PTPRC: variants seen among roughly 807,000 people sequenced by gnomAD.
The protein encoded by PTPRC is receptor-type tyrosine-protein phosphatase C.
A neutral mutation model predicts 155.9 loss-of-function variants in PTPRC; 44 were observed. That is an observed-to-expected ratio of 0.28 (90% CI 0.22 to 0.36). The LOEUF is 0.36. PTPRC is among the 10% of genes least tolerant of loss of function. The pLI is 1.00. For synonymous variants in PTPRC, 525 were observed against 533.1 expected (o/e 0.98, Z 0.21); for missense variants, 1,401 against 1,564.6 (o/e 0.90, Z 1.76).
At chr1:198,641,584 A>G (rs1303646021) in intron 2 of PTPRC, among the ~76,000 whole-genome samples, 2 of 151,996 alleles carry the variant, frequency 1.3e-5, no homozygotes, top group African/African-American at 2.4e-5. Flanking sequence ...TTTACTCAAG[A>G]CTTCCTAATC....
intron 29 of PTPRC, 102 bp downstream of exon 29, chr1:198,750,728 T>C (rs1655344332): frequency 2.8e-6 from 4 of 1,416,076 alleles, no homozygotes; most frequent in Admixed American, 1.7e-5. Context: ...TCTTTTTTTA[T>C]CCCTCCATCA....
chr1:198,662,283 A>G (rs1014634066), intron 2 of PTPRC, among the ~76,000 whole-genome samples: 1 of 152,142 alleles, frequency 6.6e-6, no homozygotes, highest in African/African-American at 2.4e-5. Context: ...ACAACTTTAT[A>G]ATGTATATGT....
At chr1:198,718,452 A>G (rs1653711702) in intron 14 of PTPRC, 150 bp downstream of exon 14, 3 of 743,926 alleles carry the variant, frequency 4.0e-6, no homozygotes, top group Admixed American at 5.3e-5. Context: ...CAAATATTTG[A>G]CTCTAAAATT....
At chr1:198,744,284 C>A in intron 26 of PTPRC, 81 bp downstream of exon 26, 2 of 1,352,328 alleles carry the variant, frequency 1.5e-6, no homozygotes, top group Non-Finnish European at 1.0e-6. Context: ...TTGCTATGCA[C>A]TTGACATAGT....
rs761347555 is a variant in PTPRC, at chr1:198,752,388, G to T, written c.3330+17G>T. 8 of 1,612,016 alleles carry T rather than the reference G, an allele frequency of 5.0e-6. No individual in the cohort carries two copies. The South Asian group carries it at 8.8e-5, about 18-fold the overall frequency. Reference sequence around the variant, plus strand: ...CATTCCAAGGTATGGAAACAATTTGGGGAGTATATTTCTTTGATATAATGG... The same window carrying T: ...CATTCCAAGGTATGGAAACAATTTGTGGAGTATATTTCTTTGATATAATGG... On this transcript the variant is annotated intron_variant, in intron 30 of 32. Transcript: ENST00000442510.
chr1:198,704,581 A>G lies in PTPRC; in HGVS notation c.685+83A>G. On this transcript the variant is annotated intron_variant, in intron 8 of 32. Transcript: ENST00000442510. ...TCTTTCTTTATTCCAAGCTTTCAGG[A>G]CCCACTAGTAAGCTAAACTCACTGG... is the stretch of plus-strand genomic sequence containing the variant. The G allele has an allele frequency of 2.5e-6, 4 of 1,610,942 alleles. 1 individual carries two copies. In the South Asian group the frequency reaches 3.3e-5, roughly 13 times the overall value.
intron 2 of PTPRC, among the ~76,000 whole-genome samples, chr1:198,651,874 G>A (rs868063872): frequency 3.3e-5 from 5 of 151,666 alleles, no homozygotes; most frequent in African/African-American, 9.7e-5. Context: ...TGAGTGTCTC[G>A]TGTGCCTGGC....
chr1:198,702,560 C>T (rs1558008234), intron 6 of PTPRC, 30 bp downstream of exon 6: 1 of 1,613,148 alleles, frequency 6.2e-7, no homozygotes, highest in Non-Finnish European at 8.5e-7. Context: ...GTAGTGTCTT[C>T]AGTTATAGAT....
At position 198,748,165 on chromosome 1, in the gene PTPRC, T is replaced by C. The variant is rs1380491295; in HGVS notation, c.2904T>C (p.Asn968=). 1.9e-6 allele frequency: 3 copies of C among 1,595,888 alleles called. No individual in the cohort carries two copies. The highest frequency in any genetic ancestry group is 1.7e-5 in the Admixed American group (1 of 58,390). Residue 968 remains asparagine, a synonymous_variant, in exon 27 of 33, where the codon AAT becomes AAC. Transcript: ENST00000442510. ...RTQHIGNQEE[N]KSKNRNSNVI... Reference sequence around the variant, plus strand: ...AGCACATTGGAAATCAAGAAGAAAATAAAAGTAAAAACAGGAATTCTAATG... The same window carrying C: ...AGCACATTGGAAATCAAGAAGAAAACAAAAGTAAAAACAGGAATTCTAATG...
intron 4 of PTPRC, among the ~76,000 whole-genome samples, chr1:198,698,440 T>C (rs1320156354): frequency 6.6e-6 from 1 of 152,164 alleles, no homozygotes; most frequent in African/African-American, 2.4e-5. Context: ...TATGAGTTAT[T>C]TAATTTATGA....
rs1358166170 is a variant in PTPRC at position 198,702,493 on chromosome 1, A to G, written c.546A>G (p.Ala182=). The G allele has an allele frequency of 6.2e-7, 1 of 1,614,190 alleles. No individual in the cohort carries two copies. Among genetic ancestry groups the G allele is most frequent in the Non-Finnish European group, 8.5e-7 (1 of 1,180,034 alleles). ...LAHHSSAALP[A]RTSNTTITAN... ...ACCACAGCTCTGCTGCCTTACCTGC[A>G]CGCACCTCCAACACCACCATCACAG... is the stretch of plus-strand genomic sequence containing the variant. The change falls in exon 6 of 33, where the codon GCA becomes GCG. Residue 182 remains alanine, a synonymous_variant. Coordinates refer to ENST00000442510, the MANE Select transcript of PTPRC (RefSeq NM_002838.5).
intron 6 of PTPRC, 91 bp downstream of exon 6, chr1:198,702,621 A>C: frequency 1.9e-5 from 29 of 1,534,056 alleles, no homozygotes; most frequent in Non-Finnish European, 2.4e-5. Flanking sequence ...TTTGTGCCAG[A>C]TATTATTTGT....
At chr1:198,681,595 A>T (rs1288212995) in intron 2 of PTPRC, among the ~76,000 whole-genome samples, 4 of 152,194 alleles carry the variant, frequency 2.6e-5, no homozygotes, top group Non-Finnish European at 5.9e-5. Context: ...TTACAAATAA[A>T]CATTTTGTCT....
chr1:198,737,130 T>A (rs1013908118), intron 23 of PTPRC, among the ~76,000 whole-genome samples: 1 of 151,776 alleles, frequency 6.6e-6, no homozygotes, highest in African/African-American at 2.4e-5. Context: ...TTTTCCCTCA[T>A]TCTGTGGCTT....
chr1:198,749,292 T>C, intron 27 of PTPRC, 124 bp from the exon 28 acceptor site: 1 of 932,778 alleles, frequency 1.1e-6, no homozygotes, highest in Non-Finnish European at 1.7e-6. Context: ...TCTTATTTCA[T>C]GTAGATCAGT....
intron 2 of PTPRC, among the ~76,000 whole-genome samples, chr1:198,674,403 ATTTACAAT>A (rs1321339384): frequency 2.0e-5 from 3 of 151,840 alleles, no homozygotes; most frequent in Admixed American, 6.6e-5. Flanking sequence ...AATTGTGAAA[ATTTACAAT>A]TTTACAATTT....
chr1:198,674,613 A>C (rs956372632), intron 2 of PTPRC, among the ~76,000 whole-genome samples: 1 of 150,604 alleles, frequency 6.6e-6, no homozygotes, highest in African/African-American at 2.4e-5. Flanking sequence ...AACATTTATA[A>C]GATGTGGTAT....
At chr1:198,655,313 A>G (rs1376707496) in intron 2 of PTPRC, among the ~76,000 whole-genome samples, 5 of 152,046 alleles carry the variant, frequency 3.3e-5, no homozygotes, top group African/African-American at 7.2e-5. Context: ...TATTTATACA[A>G]CAATTAATTT....
intron 2 of PTPRC, among the ~76,000 whole-genome samples, chr1:198,685,077 CAAT>C (rs1468594780): frequency 5.3e-5 from 8 of 151,916 alleles, no homozygotes; most frequent in Non-Finnish European, 1.0e-4. Flanking sequence ...AACTGCATGT[CAAT>C]AATCACTAAA....
Sources: allele counts gnomAD v4.1 joint callset (sites outside exome capture counted in the v4.1 genomes callset), GRCh38; gene constraint gnomAD v4.1.1; transcripts MANE v1.5; gene names NCBI Gene and HGNC (gene_info 2026-07-23, HGNC 2026-07-21).